Variants in RARB observed in about 807,000 individuals in gnomAD.
RARB encodes the protein HBV-activated protein.
Under a neutral mutation model 51.9 loss-of-function variants are expected in RARB, and 17 were observed. The ratio of observed to expected loss-of-function variants is 0.33; its 90% CI spans 0.22 to 0.49. The LOEUF (loss-of-function observed/expected upper bound fraction) is 0.49, where lower values mean the gene tolerates loss of function less well. Ranked by LOEUF, RARB falls within the 20% of genes least tolerant of loss-of-function variation. The pLI, the probability that RARB is intolerant of heterozygous loss-of-function variation, is 0.99. For missense variants in RARB, 369 were observed against 550.8 expected, an observed-to-expected ratio of 0.67 and a Z score of 3.30; for synonymous variants, 215 against 195.4, an observed-to-expected ratio of 1.10 and a Z score of -0.84.
intron 4 of RARB, among the ~76,000 whole-genome samples, chr3:25,162,996 A>G (rs796535134): frequency 1.3e-4 from 20 of 152,340 alleles, no homozygotes; most frequent in African/African-American, 4.6e-4. Context: ...AGGACCTGCC[A>G]AACTGTTCTT....
intron 3 of RARB, among the ~76,000 whole-genome samples, chr3:25,510,482 C>T (rs774361289): frequency 5.3e-5 from 8 of 151,810 alleles, no homozygotes; most frequent in Non-Finnish European, 1.0e-4. Flanking sequence ...AAAAATTAGC[C>T]GGGCATGGTG....
intron 5 of RARB, among the ~76,000 whole-genome samples, chr3:25,387,078 T>A (rs983240267): frequency 6.6e-6 from 1 of 152,186 alleles, no homozygotes; most frequent in Admixed American, 6.5e-5. Flanking sequence ...TAGAAATGCA[T>A]CTGTTAGCAA....
At chr3:24,916,942 A>C (rs1047047696) in intron 2 of RARB, among the ~76,000 whole-genome samples, 2 of 152,202 alleles carry the variant, frequency 1.3e-5, no homozygotes, top group African/African-American at 4.8e-5. Flanking sequence ...TGAGTGGAAG[A>C]AACATAACAC....
At chr3:25,019,819 C>G (rs1353738132) in intron 2 of RARB, among the ~76,000 whole-genome samples, 1 of 152,128 alleles carries the variant, frequency 6.6e-6, no homozygotes, top group African/African-American at 2.4e-5. Context: ...GCTGGATGAT[C>G]TGAGCTTCAG....
chr3:25,178,873 G>C (rs375780261), intron 5 of RARB, among the ~76,000 whole-genome samples: 1 of 152,152 alleles, frequency 6.6e-6, no homozygotes, highest in African/African-American at 2.4e-5. Flanking sequence ...CTGTCTGTCT[G>C]TCTCTCTTTA....
chr3:25,267,021 A>C (rs138289293), intron 5 of RARB, among the ~76,000 whole-genome samples: 3 of 152,200 alleles, frequency 2.0e-5, no homozygotes, highest in African/African-American at 4.8e-5. Flanking sequence ...CTGTAGTTCA[A>C]TTTTCCCCCT....
At chr3:25,514,355 G>A (rs1453294742) in intron 3 of RARB, among the ~76,000 whole-genome samples, 1 of 152,148 alleles carries the variant, frequency 6.6e-6, no homozygotes, top group Non-Finnish European at 1.5e-5. Context: ...GCAATTATCT[G>A]ATGAATTAGA....
chr3:24,946,811 G>C (rs926772305), intron 2 of RARB, among the ~76,000 whole-genome samples: 1 of 152,164 alleles, frequency 6.6e-6, no homozygotes, highest in Non-Finnish European at 1.5e-5. Context: ...GCTGCAGTGA[G>C]CAATGACATT....
intron 2 of RARB, among the ~76,000 whole-genome samples, chr3:24,920,685 G>A (rs1376741857): frequency 6.6e-6 from 1 of 152,106 alleles, no homozygotes; most frequent in Non-Finnish European, 1.5e-5. Flanking sequence ...ACTGTGTTGA[G>A]TTCCATTTCT....
chr3:25,226,942 C>T (rs1288984063), intron 5 of RARB, among the ~76,000 whole-genome samples: 1 of 152,158 alleles, frequency 6.6e-6, no homozygotes, highest in Non-Finnish European at 1.5e-5. Flanking sequence ...TATATGATAG[C>T]CCACAATGTT....
chr3:24,981,767 T>G (rs1017367219), intron 2 of RARB, among the ~76,000 whole-genome samples: 1 of 152,168 alleles, frequency 6.6e-6, no homozygotes, highest in Non-Finnish European at 1.5e-5. Context: ...CTGTTCTGCT[T>G]CAGCTCACCT....
intron 5 of RARB, among the ~76,000 whole-genome samples, chr3:25,308,047 G>A (rs322695): frequency 0.13 from 20,416 of 152,114 alleles, 1,655 homozygotes; most frequent in South Asian, 0.25. Flanking sequence ...GTGTTCCTCT[G>A]AAACTGTCCC....
At chr3:25,501,412 C>G in intron 3 of RARB, 89 bp downstream of exon 3, 5 of 1,498,824 alleles carry the variant, frequency 3.3e-6, no homozygotes, top group Non-Finnish European at 4.5e-6. Context: ...TCACACACGA[C>G]ACTAACGAAA....
At chr3:25,376,412 G>T (rs1468896133) in intron 5 of RARB, among the ~76,000 whole-genome samples, 1 of 152,160 alleles carries the variant, frequency 6.6e-6, no homozygotes, top group Non-Finnish European at 1.5e-5. Flanking sequence ...AGAAGTTTTT[G>T]TCTCCCTGAG....
intron 3 of RARB, among the ~76,000 whole-genome samples, chr3:25,130,992 A>G (rs553653206): frequency 0.056 from 1,723 of 30,864 alleles, 58 homozygotes; most frequent in African/African-American, 0.19. Context: ...TAATATTATC[A>G]ATATTTATTT....
chr3:25,076,811 T>C (rs959572982), intron 3 of RARB, among the ~76,000 whole-genome samples: 4 of 152,176 alleles, frequency 2.6e-5, no homozygotes, highest in Non-Finnish European at 4.4e-5. Context: ...AATTACCACA[T>C]GGAAGAACAA....
At chr3:25,038,534 T>C (rs1400218051) in intron 2 of RARB, among the ~76,000 whole-genome samples, 1 of 152,142 alleles carries the variant, frequency 6.6e-6, no homozygotes, top group Non-Finnish European at 1.5e-5. Flanking sequence ...CCTTTTTTTC[T>C]TTGTTGCTGA....
intron 2 of RARB, among the ~76,000 whole-genome samples, chr3:24,882,221 TGA>T (rs1403863716): frequency 6.6e-6 from 1 of 152,190 alleles, no homozygotes; most frequent in Non-Finnish European, 1.5e-5. Flanking sequence ...CTAAGAGAGT[TGA>T]GTTACATTAA....
chr3:25,207,025 T>A (rs1701566662), intron 5 of RARB, among the ~76,000 whole-genome samples: 2 of 152,200 alleles, frequency 1.3e-5, no homozygotes, highest in Non-Finnish European at 2.9e-5. Flanking sequence ...TCTCTCCTAA[T>A]AAGGTAATGA....
Sources: gnomAD v4.1 joint callset for allele counts (sites outside exome capture counted in the v4.1 genomes callset) on GRCh38, gnomAD v4.1.1 for gene constraint, MANE v1.5 for transcripts, NCBI Gene and HGNC (gene_info 2026-07-23, HGNC 2026-07-21) for gene names.